CDH13: variants seen among roughly 807,000 people sequenced by gnomAD.
CDH13 encodes cadherin-13.
A neutral mutation model predicts 63.8 loss-of-function variants in CDH13; 24 were observed. The observed-to-expected ratio is 0.38, with a 90% CI of 0.27 to 0.53. The LOEUF (loss-of-function observed/expected upper bound fraction) is 0.53. Ranked by LOEUF, CDH13 falls within the 20% of genes least tolerant of loss-of-function variation. The pLI, the probability that CDH13 is intolerant of heterozygous loss-of-function variation, is 0.85. For synonymous variants in CDH13, 503 were observed against 355.3 expected, an observed-to-expected ratio of 1.42 and a Z score of -4.67; for missense variants, 1,049 against 903.1, an observed-to-expected ratio of 1.16 and a Z score of -2.07.
At chr16:83,078,888 A>G (rs2151557724) in intron 3 of CDH13, among the ~76,000 whole-genome samples, 1 of 152,122 alleles carries the variant, frequency 6.6e-6, no homozygotes, top group South Asian at 2.1e-4. Flanking sequence ...TCCGCCTCCC[A>G]GGTTCCAGCA....
At chr16:82,645,198 C>T (rs1323129946) in intron 1 of CDH13, among the ~76,000 whole-genome samples, 1 of 152,130 alleles carries the variant, frequency 6.6e-6, no homozygotes. Flanking sequence ...CCAGGACCAA[C>T]TGGGAGCCTG....
chr16:82,877,493 T>C (rs1425995685), intron 2 of CDH13, among the ~76,000 whole-genome samples: 1 of 152,190 alleles, frequency 6.6e-6, no homozygotes, highest in Non-Finnish European at 1.5e-5. Flanking sequence ...TCTCAGGACA[T>C]GGTAGTTCAC....
intron 1 of CDH13, among the ~76,000 whole-genome samples, chr16:82,779,621 ACAAACC>A: frequency 6.6e-6 from 1 of 152,168 alleles, no homozygotes; most frequent in African/African-American, 2.4e-5. Context: ...AAAGATTTAA[ACAAACC>A]TCATAATTTA....
chr16:83,318,015 A>G (rs2090142007), intron 5 of CDH13, among the ~76,000 whole-genome samples: 1 of 152,196 alleles, frequency 6.6e-6, no homozygotes, highest in Non-Finnish European at 1.5e-5. Flanking sequence ...GCCAAAGGAA[A>G]AACCACTGGA....
chr16:83,784,984 C>T (rs933221688), intron 13 of CDH13, among the ~76,000 whole-genome samples: 3 of 152,212 alleles, frequency 2.0e-5, no homozygotes, highest in Non-Finnish European at 2.9e-5. Flanking sequence ...GGCCACCCCT[C>T]GGAGGCTTCT....
intron 5 of CDH13, among the ~76,000 whole-genome samples, chr16:83,314,426 G>C (rs1054504541): frequency 2.2e-4 from 34 of 152,142 alleles, no homozygotes; most frequent in African/African-American, 7.2e-4. Flanking sequence ...AAAATGGCTA[G>C]AATAATATGT....
chr16:83,579,381 G>A (rs754995350), intron 7 of CDH13, among the ~76,000 whole-genome samples: 25 of 152,164 alleles, frequency 1.6e-4, no homozygotes, highest in African/African-American at 1.4e-4. Flanking sequence ...CAGGCTGTAC[G>A]GGAAGCATGG....
chr16:83,385,075 T>A (rs1178878274), intron 6 of CDH13, among the ~76,000 whole-genome samples: 1 of 152,202 alleles, frequency 6.6e-6, no homozygotes, highest in Admixed American at 6.5e-5. Context: ...ATGGAAAATG[T>A]AATGGGTCAT....
chr16:83,580,445 C>G (rs1029353073), intron 7 of CDH13, among the ~76,000 whole-genome samples: 1 of 105,436 alleles, frequency 9.5e-6, no homozygotes, highest in African/African-American at 3.4e-5. Context: ...CATTTCTGTT[C>G]ATTTCTCTCT....
chr16:82,814,517 G>T (rs779752302), intron 1 of CDH13, among the ~76,000 whole-genome samples: 1 of 152,104 alleles, frequency 6.6e-6, no homozygotes. Context: ...AGGGGTTAAA[G>T]GGCTTCCAGG....
intron 2 of CDH13, among the ~76,000 whole-genome samples, chr16:83,030,346 G>T (rs907453221): frequency 6.6e-6 from 1 of 151,982 alleles, no homozygotes; most frequent in Non-Finnish European, 1.5e-5. Context: ...CATTGTATTG[G>T]GTCCTCTGGA....
intron 2 of CDH13, among the ~76,000 whole-genome samples, chr16:82,933,684 G>A (rs995754839): frequency 2.0e-5 from 3 of 152,132 alleles, no homozygotes; most frequent in African/African-American, 7.2e-5. Context: ...AAGCAAGTTA[G>A]GTACTTCCTA....
intron 7 of CDH13, among the ~76,000 whole-genome samples, chr16:83,519,343 A>AGCCT (rs1280495517): frequency 7.9e-5 from 12 of 152,212 alleles, no homozygotes; most frequent in African/African-American, 2.7e-4. Context: ...AACACAACAC[A>AGCCT]GCCTCTGTTT....
intron 10 of CDH13, among the ~76,000 whole-genome samples, chr16:83,711,303 AAAC>A (rs1422438299): frequency 6.6e-6 from 1 of 152,224 alleles, no homozygotes; most frequent in Non-Finnish European, 1.5e-5. Flanking sequence ...TTCTGTGAGC[AAAC>A]AATAGCGGGA....
At chr16:83,006,207 A>G (rs1046970439) in intron 2 of CDH13, among the ~76,000 whole-genome samples, 2 of 152,162 alleles carry the variant, frequency 1.3e-5, no homozygotes, top group Non-Finnish European at 2.9e-5. Context: ...TAATACATAA[A>G]CAAAAAAGAC....
intron 2 of CDH13, among the ~76,000 whole-genome samples, chr16:82,943,200 T>A (rs1191537046): frequency 6.6e-6 from 1 of 152,166 alleles, no homozygotes; most frequent in Admixed American, 6.6e-5. Flanking sequence ...ATTCTGATTG[T>A]CTCTGTTACA....
In CDH13 at chr16:83,081,721, A is replaced by AG. The variant is rs1567811569; in HGVS notation, c.367-43664_367-43663insG. On this transcript the variant is annotated intron_variant, in intron 3 of 13. Coordinates refer to ENST00000567109, the MANE Select transcript of CDH13 (RefSeq NM_001257.5). ...AGAGAGAGAGAAAGAGAGAGAGAGA[A>AG]AGAGCTCGCAAGGATCATCTCCTTA... 1.5e-4 allele frequency among the ~76,000 whole-genome samples: 23 copies of AG among 151,638 alleles called. 1 individual carries two copies. The South Asian group carries it at 2.7e-3, about 18-fold the overall frequency.
At chr16:82,890,650 C>CT (rs34036747) in intron 2 of CDH13, among the ~76,000 whole-genome samples, 81,974 of 139,208 alleles carry the variant, frequency 0.59, 24,239 homozygotes, top group East Asian at 0.79. Flanking sequence ...GAGAGACATT[C>CT]TTTTTTTTTT....
At chr16:83,470,121 A>G (rs999944803) in intron 6 of CDH13, among the ~76,000 whole-genome samples, 3 of 152,194 alleles carry the variant, frequency 2.0e-5, no homozygotes, top group African/African-American at 7.2e-5. Flanking sequence ...CCCTGCACAC[A>G]CATACACCTG....
Sources: allele counts gnomAD v4.1 joint callset (sites outside exome capture counted in the v4.1 genomes callset), GRCh38; gene constraint gnomAD v4.1.1; transcripts MANE v1.5; gene names NCBI Gene and HGNC (gene_info 2026-07-23, HGNC 2026-07-21).